MYOM1: variants seen among roughly 807,000 people sequenced by gnomAD.
The protein encoded by MYOM1 is myomesin 1.
MYOM1 carries 164 observed loss-of-function variants against 205.3 expected under a neutral mutation model. The observed-to-expected ratio is 0.80, with a 90% confidence interval of 0.70 to 0.91. The LOEUF (loss-of-function observed/expected upper bound fraction) is 0.91. Among genes scored for constraint, MYOM1 ranks in the 40% least tolerant of loss-of-function variants. The probability of loss-of-function intolerance (pLI) is 0.00; values close to 1 mark genes in which losing one functional copy is unlikely to be tolerated. For synonymous variants in MYOM1, 772 were observed against 789.4 expected (o/e 0.98, Z 0.37); for missense variants, 2,011 against 2,127.3 (o/e 0.95, Z 1.08).
chr18:3,196,865 C>A (rs1441290576), intron 2 of MYOM1, among the ~76,000 whole-genome samples: 1 of 152,192 alleles, frequency 6.6e-6, no homozygotes, highest in Non-Finnish European at 1.5e-5. Flanking sequence ...AATTCAAATA[C>A]TGAACAGAAA....
intron 10 of MYOM1, among the ~76,000 whole-genome samples, chr18:3,158,980 ATTC>A (rs1047123154): frequency 6.6e-6 from 1 of 152,152 alleles, no homozygotes; most frequent in African/African-American, 2.4e-5. Context: ...GCCATTTTCA[ATTC>A]TTCTTTCATG....
intron 14 of MYOM1, among the ~76,000 whole-genome samples, chr18:3,140,344 T>C (rs1001407896): frequency 1.3e-5 from 2 of 151,690 alleles, no homozygotes; most frequent in African/African-American, 4.8e-5. Flanking sequence ...GAGGCGGAGG[T>C]TGCAGTGAGC....
At chr18:3,195,172 T>C (rs1049979655) in intron 2 of MYOM1, among the ~76,000 whole-genome samples, 3 of 152,198 alleles carry the variant, frequency 2.0e-5, no homozygotes, top group Middle Eastern at 3.2e-3. Context: ...AGAAAACAAG[T>C]AGCACAGGAC....
chr18:3,089,079 G>T, intron 29 of MYOM1, 95 bp downstream of exon 29: 6 of 732,286 alleles, frequency 8.2e-6, no homozygotes, highest in South Asian at 2.0e-5. Flanking sequence ...TATCATTTTG[G>T]CTCAGATGGA....
At chr18:3,231,085 T>A in the MYOM1 span, among the ~76,000 whole-genome samples, 1 of 152,220 alleles carries the variant, frequency 6.6e-6, no homozygotes, top group East Asian at 1.9e-4. Flanking sequence ...AAAGCTGCCC[T>A]GCTGATGTTT....
intron 11 of MYOM1, among the ~76,000 whole-genome samples, chr18:3,153,047 T>C (rs1407114591): frequency 6.6e-6 from 1 of 151,378 alleles, no homozygotes. Context: ...CAGAAGCTGA[T>C]AGGGCCAGGA....
intron 2 of MYOM1, among the ~76,000 whole-genome samples, chr18:3,202,869 A>G (rs1211455053): frequency 6.6e-6 from 1 of 152,076 alleles, no homozygotes; most frequent in Non-Finnish European, 1.5e-5. Context: ...ACTCTTTTCA[A>G]CATTCTCAAG....
chr18:3,087,905 G>A (rs184656199), intron 29 of MYOM1, among the ~76,000 whole-genome samples: 222 of 152,246 alleles, frequency 1.5e-3, no homozygotes, highest in Non-Finnish European at 2.7e-3. Flanking sequence ...ACTGTAATGC[G>A]ACACGTGAGT....
chr18:3,211,982 G>C (rs899159682), intron 2 of MYOM1, among the ~76,000 whole-genome samples: 2 of 152,118 alleles, frequency 1.3e-5, no homozygotes, highest in Non-Finnish European at 1.5e-5. Context: ...GCAGGAAAAA[G>C]TTGCTTCATT....
intron 8 of MYOM1, among the ~76,000 whole-genome samples, chr18:3,170,674 G>A (rs112646499): frequency 8.7e-4 from 133 of 152,202 alleles, no homozygotes; most frequent in Non-Finnish European, 1.8e-3. Flanking sequence ...GGAAAGAAAC[G>A]ACTGTTTATT....
the MYOM1 span, among the ~76,000 whole-genome samples, chr18:3,235,460 C>T: frequency 7.2e-5 from 11 of 152,196 alleles, no homozygotes; most frequent in African/African-American, 2.7e-4. Flanking sequence ...AAAATGTATG[C>T]ATGGCATCCC....
intron 2 of MYOM1, among the ~76,000 whole-genome samples, chr18:3,197,769 A>G (rs2081011212): frequency 3.9e-5 from 6 of 152,012 alleles, no homozygotes; most frequent in Admixed American, 3.9e-4. Flanking sequence ...GCTACTCGGG[A>G]GGCTGAGGCA....
intron 9 of MYOM1, among the ~76,000 whole-genome samples, chr18:3,166,285 A>AAT (rs2080469810): frequency 1.2e-5 from 1 of 82,510 alleles, no homozygotes; most frequent in South Asian, 4.5e-4. Context: ...TTTTTTTTTT[A>AAT]TTTGAGGCGG....
At chr18:3,128,709 A>G (rs1331031191) in intron 18 of MYOM1, among the ~76,000 whole-genome samples, 1 of 152,100 alleles carries the variant, frequency 6.6e-6, no homozygotes, top group African/African-American at 2.4e-5. Context: ...TTTCACTTAA[A>G]GTATTTAATT....
rs2078908288 is a variant in MYOM1, at chr18:3,067,369, T to C, written c.4951A>G (p.Lys1651Glu). 2 of 1,612,946 alleles carry C rather than the reference T, an allele frequency of 1.2e-6. No individual in the cohort carries two copies. Among genetic ancestry groups the C allele is most frequent in the South Asian group, 1.1e-5 (1 of 91,034 alleles). ...SGKYGLVVKNKYGSETSDFTV... is the reference protein window; with the variant it reads ...SGKYGLVVKNEYGSETSDFTV... ...AAGTCGCTGGTCTCCGAGCCATACT[T>C]GTTCTTCACAACCAGCCCGTATTTG... The change falls in exon 38 of 38, where the codon AAG (lysine) becomes GAG (glutamate). Residue 1651 changes from lysine to glutamate, a missense_variant. Physicochemically the swap from Lys to Glu is moderately conservative, Grantham distance 56 (BLOSUM62 1). Coordinates refer to ENST00000356443, the MANE Select transcript of MYOM1 (RefSeq NM_003803.4).
intron 17 of MYOM1, among the ~76,000 whole-genome samples, chr18:3,130,431 C>T (rs1407541463): frequency 1.3e-5 from 2 of 152,078 alleles, no homozygotes; most frequent in African/African-American, 4.8e-5. Flanking sequence ...ACATGCGTTA[C>T]TATATAATAA....
At chr18:3,078,791 G>A (rs1598649700) in intron 34 of MYOM1, among the ~76,000 whole-genome samples, 1 of 151,798 alleles carries the variant, frequency 6.6e-6, no homozygotes, top group East Asian at 1.9e-4. Context: ...AGGGATAAAT[G>A]GTCCAGTATT....
At chr18:3,183,728 G>A (rs2080772268) in intron 5 of MYOM1, among the ~76,000 whole-genome samples, 1 of 152,134 alleles carries the variant, frequency 6.6e-6, no homozygotes, top group Non-Finnish European at 1.5e-5. Flanking sequence ...GGCCCAGGAA[G>A]CTGCAATTGG....
chr18:3,232,030 T>A, the MYOM1 span, among the ~76,000 whole-genome samples: 54 of 151,958 alleles, frequency 3.6e-4, no homozygotes, highest in African/African-American at 1.2e-3. Context: ...ATATTTTGAA[T>A]TTTTAAAAGT....
Sources: gnomAD v4.1 joint callset for allele counts (sites outside exome capture counted in the v4.1 genomes callset) on GRCh38, gnomAD v4.1.1 for gene constraint, MANE v1.5 for transcripts, NCBI Gene and HGNC (gene_info 2026-07-23, HGNC 2026-07-21) for gene names.